TENM3: variants seen among roughly 807,000 people sequenced by gnomAD.
TENM3 encodes the protein teneurin-3.
A neutral mutation model predicts 255.1 loss-of-function variants in TENM3; 63 were observed. The ratio of observed to expected loss-of-function variants is 0.25; its 90% CI spans 0.20 to 0.30. The LOEUF is 0.30. Among genes scored for constraint, TENM3 ranks in the 10% least tolerant of loss-of-function variants. The pLI is 1.00. For missense variants in TENM3, 2,929 were observed against 3,461.1 expected, an observed-to-expected ratio of 0.85 and a Z score of 3.86; for synonymous variants, 1,306 against 1,322.3, an observed-to-expected ratio of 0.99 and a Z score of 0.27.
the TENM3 span, among the ~76,000 whole-genome samples, chr4:181,824,142 C>T: frequency 6.6e-6 from 1 of 152,150 alleles, no homozygotes; most frequent in African/African-American, 2.4e-5. Context: ...CACTCTGCCA[C>T]TCAGGCTGGA....
the TENM3 span, among the ~76,000 whole-genome samples, chr4:181,637,097 C>A: frequency 6.6e-6 from 1 of 152,174 alleles, no homozygotes; most frequent in Non-Finnish European, 1.5e-5. Flanking sequence ...CAAGTGAAGG[C>A]CACCTTCCCA....
intron 12 of TENM3, among the ~76,000 whole-genome samples, chr4:182,702,422 C>G (rs192278945): frequency 6.6e-6 from 1 of 152,162 alleles, no homozygotes; most frequent in Non-Finnish European, 1.5e-5. Flanking sequence ...CATTTCTTTC[C>G]TCAAAGTCAG....
At chr4:182,148,733 G>A (rs534133068) in intron 1 of TENM3, among the ~76,000 whole-genome samples, 5 of 152,174 alleles carry the variant, frequency 3.3e-5, no homozygotes, top group African/African-American at 9.6e-5. Flanking sequence ...TAATGGAAAT[G>A]TGAAGAGATG....
chr4:182,680,207 C>T, intron 8 of TENM3, 41 bp from the exon 9 acceptor site: 1 of 1,381,022 alleles, frequency 7.2e-7, no homozygotes, highest in Non-Finnish European at 1.0e-6. Flanking sequence ...TTGCAAGAGG[C>T]AGGCTATACA....
the TENM3 span, among the ~76,000 whole-genome samples, chr4:181,838,986 C>A: frequency 3.4e-4 from 51 of 151,734 alleles, no homozygotes; most frequent in South Asian, 6.2e-4. Flanking sequence ...CTAATATAAG[C>A]ATTTATGACT....
chr4:181,950,409 C>T, the TENM3 span, among the ~76,000 whole-genome samples: 7 of 152,244 alleles, frequency 4.6e-5, no homozygotes, highest in South Asian at 2.1e-4. Context: ...TTCACAGGGA[C>T]GCGCATGAAA....
At chr4:181,594,148 C>A in the TENM3 span, among the ~76,000 whole-genome samples, 2 of 151,784 alleles carry the variant, frequency 1.3e-5, no homozygotes, top group Non-Finnish European at 2.9e-5. Context: ...AAACATGTAA[C>A]GATTTAAAAC....
the TENM3 span, among the ~76,000 whole-genome samples, chr4:181,779,710 C>T: frequency 2.0e-5 from 3 of 152,048 alleles, no homozygotes; most frequent in South Asian, 2.1e-4. Context: ...CATATGTATA[C>T]GTGTGCCATG....
intron 22 of TENM3, among the ~76,000 whole-genome samples, chr4:182,763,085 T>C (rs1235438791): frequency 6.6e-6 from 1 of 152,226 alleles, no homozygotes; most frequent in Non-Finnish European, 1.5e-5. Flanking sequence ...TTTAAGTGTA[T>C]TTTAAGAGTG....
the TENM3 span, among the ~76,000 whole-genome samples, chr4:182,030,199 T>G: frequency 1.9e-3 from 291 of 152,122 alleles, 2 homozygotes; most frequent in African/African-American, 6.6e-3. Context: ...TAGCCCAGCA[T>G]GCATTAGCTA....
At chr4:181,540,642 A>G in the TENM3 span, among the ~76,000 whole-genome samples, 96 of 152,294 alleles carry the variant, frequency 6.3e-4, no homozygotes, top group African/African-American at 2.1e-3. Context: ...GACACACATT[A>G]TCCCAGTCTA....
chr4:181,490,343 G>T, the TENM3 span, among the ~76,000 whole-genome samples: 1 of 152,156 alleles, frequency 6.6e-6, no homozygotes, highest in Non-Finnish European at 1.5e-5. Flanking sequence ...CCATCCACAG[G>T]TTCCACTTTG....
chr4:181,828,084 G>C, the TENM3 span, among the ~76,000 whole-genome samples: 1 of 152,134 alleles, frequency 6.6e-6, no homozygotes, highest in Non-Finnish European at 1.5e-5. Flanking sequence ...CTTTTTGAGC[G>C]AGGAGAAAAG....
intron 1 of TENM3, among the ~76,000 whole-genome samples, chr4:182,300,364 A>G (rs1038847083): frequency 1.3e-5 from 2 of 152,344 alleles, no homozygotes; most frequent in African/African-American, 4.8e-5. Context: ...CAGGCCATAC[A>G]GTTGAAAAGG....
the TENM3 span, among the ~76,000 whole-genome samples, chr4:182,026,957 T>C: frequency 2.0e-5 from 3 of 152,046 alleles, no homozygotes; most frequent in African/African-American, 7.2e-5. Flanking sequence ...CTTTTGTGAT[T>C]CCATATAAAT....
At chr4:182,493,533 A>C (rs1405764167) in intron 3 of TENM3, among the ~76,000 whole-genome samples, 2 of 152,086 alleles carry the variant, frequency 1.3e-5, no homozygotes, top group Non-Finnish European at 2.9e-5. Context: ...ATTAAAACAC[A>C]ATTTCCTTTG....
At chr4:182,788,186 A>T (rs894786089) in intron 24 of TENM3, among the ~76,000 whole-genome samples, 1 of 152,216 alleles carries the variant, frequency 6.6e-6, no homozygotes, top group Non-Finnish European at 1.5e-5. Flanking sequence ...GGAATGTACA[A>T]GCCACCCCTC....
At chr4:181,519,737 C>T in the TENM3 span, among the ~76,000 whole-genome samples, 3 of 152,128 alleles carry the variant, frequency 2.0e-5, no homozygotes, top group Non-Finnish European at 4.4e-5. Flanking sequence ...TACTATATTG[C>T]TGACTTTTTT....
chr4:182,151,510 G>A (rs1225655689), intron 1 of TENM3, among the ~76,000 whole-genome samples: 1 of 151,994 alleles, frequency 6.6e-6, no homozygotes, highest in Non-Finnish European at 1.5e-5. Context: ...AAGAAAATTG[G>A]CACAGAGCTT....
Sources: gnomAD v4.1 joint callset for allele counts (sites outside exome capture counted in the v4.1 genomes callset) on GRCh38, gnomAD v4.1.1 for gene constraint, MANE v1.5 for transcripts, NCBI Gene and HGNC (gene_info 2026-07-23, HGNC 2026-07-21) for gene names.